RNF13: variants seen among roughly 807,000 people sequenced by gnomAD.
The protein encoded by RNF13 is ring finger protein 13.
RNF13 carries 19 observed loss-of-function variants against 37.7 expected under a neutral mutation model. The ratio of observed to expected loss-of-function variants is 0.50; its 90% CI spans 0.35 to 0.74. The LOEUF is 0.74. Ranked by LOEUF, RNF13 falls within the 30% of genes least tolerant of loss-of-function variation. RNF13 has a pLI of 0.01. For synonymous variants in RNF13, 144 were observed against 157.8 expected, an observed-to-expected ratio of 0.91 and a Z score of 0.65; for missense variants, 375 against 453.0, an observed-to-expected ratio of 0.83 and a Z score of 1.56.
chr3:149,883,840 C>T (rs1020959999), intron 4 of RNF13, among the ~76,000 whole-genome samples: 77 of 152,276 alleles, frequency 5.1e-4, no homozygotes, highest in African/African-American at 1.8e-3. Context: ...AGCTATTCTT[C>T]TGATGCTCTC....
At chr3:149,878,261 T>G (rs1331829376) in intron 4 of RNF13, among the ~76,000 whole-genome samples, 1 of 152,140 alleles carries the variant, frequency 6.6e-6, no homozygotes, top group Non-Finnish European at 1.5e-5. Context: ...ATCAAGATAT[T>G]CAGATTACTC....
chr3:149,821,257 C>G (rs531688740), intron 1 of RNF13, among the ~76,000 whole-genome samples: 1 of 152,260 alleles, frequency 6.6e-6, no homozygotes, highest in East Asian at 1.9e-4. Flanking sequence ...TCCACAGTAG[C>G]TAAACCATTT....
intron 8 of RNF13, among the ~76,000 whole-genome samples, chr3:149,954,771 T>C (rs746113611): frequency 7.2e-5 from 11 of 152,186 alleles, no homozygotes; most frequent in Non-Finnish European, 1.5e-4. Context: ...ATATATAATA[T>C]AGTAGTAGCC....
intron 8 of RNF13, among the ~76,000 whole-genome samples, chr3:149,937,257 CA>C (rs1719786115): frequency 6.6e-6 from 1 of 152,100 alleles, no homozygotes; most frequent in African/African-American, 2.4e-5. Flanking sequence ...AGCTTTCCTG[CA>C]TAGTAACCCT....
intron 8 of RNF13, among the ~76,000 whole-genome samples, chr3:149,959,117 G>C (rs57740238): frequency 0.12 from 18,862 of 152,178 alleles, 1,212 homozygotes; most frequent in African/African-American, 0.16. Context: ...GTCCCTAAAA[G>C]TTTTATAAGT....
chr3:149,847,935 G>A (rs1170259258), intron 2 of RNF13, among the ~76,000 whole-genome samples: 2 of 152,098 alleles, frequency 1.3e-5, no homozygotes, highest in African/African-American at 2.4e-5. Context: ...GATTTTCAGT[G>A]TTGTGCTCTG....
chr3:149,846,525 G>T (rs1181260764), intron 2 of RNF13, among the ~76,000 whole-genome samples: 1 of 152,132 alleles, frequency 6.6e-6, no homozygotes, highest in African/African-American at 2.4e-5. Flanking sequence ...GGCTGGTCTT[G>T]AACTCCTGAA....
intron 7 of RNF13, among the ~76,000 whole-genome samples, chr3:149,915,422 A>G (rs764980512): frequency 6.6e-5 from 10 of 152,224 alleles, no homozygotes; most frequent in Non-Finnish European, 1.3e-4. Flanking sequence ...GGAAGGTAGA[A>G]TGGAACAACC....
chr3:149,829,250 C>A (rs1720803751), intron 1 of RNF13, among the ~76,000 whole-genome samples: 1 of 152,110 alleles, frequency 6.6e-6, no homozygotes, highest in South Asian at 2.1e-4. Context: ...CAGACGTGAG[C>A]CACCAGGCTC....
intron 8 of RNF13, among the ~76,000 whole-genome samples, chr3:149,943,700 C>G (rs984279162): frequency 2.6e-5 from 4 of 152,152 alleles, no homozygotes; most frequent in African/African-American, 9.7e-5. Flanking sequence ...TCCCCCATCC[C>G]CTAGCAACCA....
chr3:149,850,338 C>T (rs1723019487), intron 2 of RNF13, among the ~76,000 whole-genome samples: 2 of 152,176 alleles, frequency 1.3e-5, no homozygotes, highest in Admixed American at 6.5e-5. Context: ...TCGCTCCCCT[C>T]CCTCCTTATA....
At chr3:149,889,292 C>CGTGTGTGTGTGT (rs376618726) in intron 4 of RNF13, among the ~76,000 whole-genome samples, 14,356 of 138,040 alleles carry the variant, frequency 0.1, 1,198 homozygotes, top group African/African-American at 0.19. Flanking sequence ...TTTGAGTGTG[C>CGTGTGTGTGTGT]GTGTGTGTGT....
intron 4 of RNF13, among the ~76,000 whole-genome samples, chr3:149,883,012 CA>C (rs1332435173): frequency 3.9e-5 from 6 of 152,124 alleles, no homozygotes; most frequent in Non-Finnish European, 8.8e-5. Flanking sequence ...ATGTCTTATA[CA>C]TTCTCTCTCT....
chr3:149,936,527 G>T (rs888156518), intron 8 of RNF13, among the ~76,000 whole-genome samples: 1 of 151,748 alleles, frequency 6.6e-6, no homozygotes, highest in Non-Finnish European at 1.5e-5. Flanking sequence ...TGCATTTTCA[G>T]TTCAGCCAAT....
At chr3:149,877,776 T>C (rs776014420) in intron 4 of RNF13, among the ~76,000 whole-genome samples, 2 of 152,152 alleles carry the variant, frequency 1.3e-5, no homozygotes, top group African/African-American at 2.4e-5. Context: ...TTCAGAATCA[T>C]GTTTAAAAGA....
intron 8 of RNF13, among the ~76,000 whole-genome samples, chr3:149,946,091 A>G (rs555209841): frequency 5.3e-5 from 8 of 152,356 alleles, no homozygotes; most frequent in African/African-American, 1.9e-4. Flanking sequence ...AGTTGAGAGA[A>G]GAAGGCTTCA....
At chr3:149,912,918 A>G (rs1373536344) in intron 7 of RNF13, among the ~76,000 whole-genome samples, 6 of 152,156 alleles carry the variant, frequency 3.9e-5, no homozygotes, top group Admixed American at 2.0e-4. Context: ...ATGATGTGCA[A>G]TATCAAAATA....
intron 3 of RNF13, among the ~76,000 whole-genome samples, chr3:149,867,263 CTCTTTTTTTTT>C (rs978012714): frequency 1.3e-5 from 2 of 151,424 alleles, no homozygotes; most frequent in African/African-American, 4.9e-5. Context: ...CCTTCCTTGT[CTCTTTTTTTTT>C]TCTTTTTTTG....
intron 5 of RNF13, among the ~76,000 whole-genome samples, chr3:149,898,971 G>A (rs913829620): frequency 2.0e-5 from 3 of 152,068 alleles, no homozygotes; most frequent in Admixed American, 6.5e-5. Flanking sequence ...CCAAGGAGAC[G>A]GAACAACAAG....
Sources: allele counts gnomAD v4.1 joint callset (sites outside exome capture counted in the v4.1 genomes callset), GRCh38; gene constraint gnomAD v4.1.1; transcripts MANE v1.5; gene names NCBI Gene and HGNC (gene_info 2026-07-23, HGNC 2026-07-21).